The following EFHD1 variants were observed in gnomAD, a reference collection of about 807,000 sequenced individuals.
The protein encoded by EFHD1 is EF-hand domain-containing protein D1.
EFHD1 carries 10 observed loss-of-function variants against 17.2 expected under a neutral mutation model. The ratio of observed to expected loss-of-function variants is 0.58; its 90% confidence interval spans 0.36 to 0.99. The LOEUF is 0.99. Among genes scored for constraint, EFHD1 ranks in the 50% least tolerant of loss-of-function variants. The pLI is 0.01. For synonymous variants in EFHD1, 153 were observed against 142.0 expected, an observed-to-expected ratio of 1.08 and a Z score of -0.55; for missense variants, 310 against 327.5, an observed-to-expected ratio of 0.95 and a Z score of 0.41.
intron 1 of EFHD1, among the ~76,000 whole-genome samples, chr2:232,643,921 C>A (rs115850462): frequency 0.012 from 1,838 of 152,294 alleles, 43 homozygotes; most frequent in African/African-American, 0.042. Flanking sequence ...CAGGGAGCAG[C>A]CCATTCCTGG....
intron 2 of EFHD1, among the ~76,000 whole-genome samples, chr2:232,666,352 T>C (rs1026191797): frequency 4.6e-5 from 7 of 152,218 alleles, no homozygotes; most frequent in African/African-American, 1.7e-4. Flanking sequence ...TGGCTCCTGC[T>C]GGGGTACTGG....
chr2:232,659,909 CAG>C (rs1295334382), intron 1 of EFHD1, among the ~76,000 whole-genome samples: 5 of 152,230 alleles, frequency 3.3e-5, no homozygotes, highest in African/African-American at 1.2e-4. Context: ...AGGAGCAAGA[CAG>C]AGCAAGCGGG....
chr2:232,606,143 C>A, exon 1 of EFHD1: 1 of 1,550,184 alleles, frequency 6.5e-7, no homozygotes, highest in East Asian at 2.4e-5. Context: ...GTAACGCTGA[C>A]AGTCCCCAGA....
chr2:232,613,639 CACACAT>C (rs1430641328), intron 1 of EFHD1, among the ~76,000 whole-genome samples: 8 of 77,622 alleles, frequency 1.0e-4, no homozygotes, highest in African/African-American at 3.2e-4. Flanking sequence ...CACATATACA[CACACAT>C]ACACACACAC....
chr2:232,667,812 C>G (rs541387959), intron 2 of EFHD1, among the ~76,000 whole-genome samples: 45 of 152,278 alleles, frequency 3.0e-4, no homozygotes, highest in African/African-American at 1.1e-3. Flanking sequence ...CCCGCCTTGG[C>G]CTCCCAAAGT....
chr2:232,681,192 T>A (rs1257916798), intron 3 of EFHD1, among the ~76,000 whole-genome samples: 6 of 151,944 alleles, frequency 3.9e-5, no homozygotes, highest in Non-Finnish European at 7.4e-5. Flanking sequence ...ATAAAAAAAA[T>A]AAATCCCATC....
chr2:232,667,377 T>C (rs1381645863), intron 2 of EFHD1, among the ~76,000 whole-genome samples: 1 of 152,130 alleles, frequency 6.6e-6, no homozygotes, highest in African/African-American at 2.4e-5. Flanking sequence ...TAATGCAATG[T>C]GGGGTGCCCA....
At chr2:232,609,509 G>C (rs1693775058) in intron 1 of EFHD1, among the ~76,000 whole-genome samples, 3 of 152,178 alleles carry the variant, frequency 2.0e-5, no homozygotes, top group African/African-American at 4.8e-5. Context: ...AGTGTGCCAG[G>C]CATGGTGTTG....
chr2:232,650,884 T>G (rs992122809), intron 1 of EFHD1, among the ~76,000 whole-genome samples: 6 of 152,068 alleles, frequency 3.9e-5, no homozygotes, highest in African/African-American at 1.4e-4. Context: ...TGGATTGCCT[T>G]TAATTAAAAA....
chr2:232,616,402 A>T (rs894275126), intron 1 of EFHD1, among the ~76,000 whole-genome samples: 2 of 151,966 alleles, frequency 1.3e-5, no homozygotes, highest in Non-Finnish European at 1.5e-5. Context: ...GGGTTCAAGC[A>T]GTTCTCCTGT....
intron 3 of EFHD1, 141 bp from the exon 4 acceptor site, chr2:232,681,444 C>A: frequency 8.2e-7 from 1 of 1,219,006 alleles, no homozygotes; most frequent in South Asian, 1.5e-5. Flanking sequence ...GGAAAGAGTG[C>A]TTGCTGGGGT....
intron 3 of EFHD1, 48 bp downstream of exon 3, chr2:232,672,491 C>G (rs540179260): frequency 5.8e-6 from 9 of 1,541,518 alleles, no homozygotes; most frequent in Non-Finnish European, 7.8e-6. Context: ...CCAGCCTTCA[C>G]GCTGCCCACC....
chr2:232,654,316 T>C (rs1000913458), intron 1 of EFHD1, among the ~76,000 whole-genome samples: 8 of 151,992 alleles, frequency 5.3e-5, no homozygotes, highest in Admixed American at 1.3e-4. Context: ...CTGGAGAACG[T>C]TGCAGGCTTT....
intron 1 of EFHD1, among the ~76,000 whole-genome samples, chr2:232,621,707 C>A (rs544471868): frequency 6.6e-6 from 1 of 152,214 alleles, no homozygotes; most frequent in East Asian, 1.9e-4. Context: ...CCGCCTTGGC[C>A]TCCCAAAGTG....
chr2:232,630,169 T>C (rs898358828), upstream of EFHD1, among the ~76,000 whole-genome samples: 2 of 151,682 alleles, frequency 1.3e-5, no homozygotes, highest in African/African-American at 4.8e-5. Context: ...AGGCTGGTCT[T>C]GCACTCCTCA....
intron 3 of EFHD1, among the ~76,000 whole-genome samples, chr2:232,680,613 G>A (rs1429165179): frequency 6.6e-6 from 1 of 151,986 alleles, no homozygotes; most frequent in Non-Finnish European, 1.5e-5. Context: ...AGGCTCAAGC[G>A]ATTCTCCTGC....
At chr2:232,627,806 T>G (rs1327745058) in intron 1 of EFHD1, among the ~76,000 whole-genome samples, 1 of 152,208 alleles carries the variant, frequency 6.6e-6, no homozygotes, top group East Asian at 1.9e-4. Flanking sequence ...TATTATTATA[T>G]TATTTTTAAA....
upstream of EFHD1, among the ~76,000 whole-genome samples, chr2:232,630,589 C>A (rs1448230521): frequency 1.3e-5 from 2 of 151,948 alleles, no homozygotes; most frequent in Admixed American, 6.6e-5. Context: ...AAAAGCACTC[C>A]CTCATTTGGA....
chr2:232,636,068 C>T (rs374195113), intron 1 of EFHD1, among the ~76,000 whole-genome samples: 1 of 152,218 alleles, frequency 6.6e-6, no homozygotes, highest in African/African-American at 2.4e-5. Context: ...TGTTAAGCCA[C>T]CTTCCTCTCT....
Sources: gnomAD v4.1 joint callset for allele counts (sites outside exome capture counted in the v4.1 genomes callset) on GRCh38, gnomAD v4.1.1 for gene constraint, MANE v1.5 for transcripts, NCBI Gene and HGNC (gene_info 2026-07-23, HGNC 2026-07-21) for gene names.